Variants in BTAF1 observed in about 807,000 individuals in gnomAD.
BTAF1 encodes the protein TATA-binding protein-associated factor 172.
In BTAF1, 38 loss-of-function variants were observed where a neutral mutation model predicts 227.1. That is an observed-to-expected ratio of 0.17 (90% CI 0.13 to 0.22). The LOEUF is 0.22. Ranked by LOEUF, BTAF1 falls within the 10% of genes least tolerant of loss-of-function variation. The pLI is 1.00. For missense variants in BTAF1, 1,598 were observed against 2,204.0 expected (o/e 0.73, Z 5.51); for synonymous variants, 742 against 751.9 (o/e 0.99, Z 0.21).
intron 32 of BTAF1, among the ~76,000 whole-genome samples, chr10:92,015,444 C>T (rs1850653612): frequency 6.6e-6 from 1 of 152,228 alleles, no homozygotes; most frequent in Admixed American, 6.5e-5. Context: ...TTCATCTATT[C>T]AACTTGGGCA....
chr10:91,987,376 G>A lies in BTAF1; in HGVS notation c.2428-1778G>A, dbSNP rs971814811. Among the ~76,000 whole-genome samples the A allele has an allele frequency of 4.6e-5, 7 of 152,112 alleles. No homozygotes were observed. In the East Asian group the frequency reaches 5.8e-4, roughly 13 times the overall value. ...TGGGTGCCTGTAGTCCCAGCTACTC[G>A]GGAGGCTGAAGCAGGAGAATGGCGT... On this transcript the variant is annotated intron_variant, in intron 19 of 37. Coordinates refer to ENST00000265990, the MANE Select transcript of BTAF1 (RefSeq NM_003972.3).
At chr10:91,937,011 T>TG (rs1844658354) in intron 2 of BTAF1, among the ~76,000 whole-genome samples, 5 of 137,202 alleles carry the variant, frequency 3.6e-5, no homozygotes, top group East Asian at 2.1e-4. Context: ...GGTTTTGTTT[T>TG]CTTTTTTTTT....
rs1292263876 is a variant in BTAF1 at position 91,962,643 on chromosome 10, G to A, written c.1369G>A (p.Val457Ile). 6.2e-7 allele frequency: 1 copy of A among 1,607,412 alleles called. No homozygotes were observed. The change falls in exon 12 of 38, where the codon GTA becomes ATA. Residue 457 changes from valine (V) to isoleucine (I), a missense_variant. By Grantham distance (29) the Val-to-Ile change is conservative (BLOSUM62 3). Around this residue, in one of 10 missense-constraint regions of BTAF1, gnomAD observed 4 missense variants for 24.9 expected, o/e 0.16. Transcript: ENST00000265990. ...RAVAAASLVPVVESLVYLQTQ... is the reference protein window; with the variant it reads ...RAVAAASLVPIVESLVYLQTQ... ...TGTTGCTGCAGCATCATTAGTGCCT[G>A]TAGTAGAAAGCCTTGTCTATCTTCA... is the stretch of plus-strand genomic sequence containing the variant.
Position 92,016,463 on chromosome 10 carries a change from C to T in BTAF1, c.4708C>T (p.Gln1570Ter), listed in dbSNP as rs867546888. 6.4e-7 allele frequency: 1 copy of T among 1,557,218 alleles called. No homozygotes were observed. Among genetic ancestry groups the T allele is most frequent in the Non-Finnish European group, 8.6e-7 (1 of 1,161,110 alleles). ...GCTTAAAGCTACAGGCCACGTATTCCAGGTATAGATTACATTCTACTTTTT... is the reference window on the plus strand; with the variant it reads ...GCTTAAAGCTACAGGCCACGTATTCTAGGTATAGATTACATTCTACTTTTT... ...PKLKATGHVF[Q>*]ALQYLRKLCN... Residue 1570 changes from glutamine (Q) to a stop codon, truncating the protein, a stop_gained and splice_region_variant, in exon 33 of 38, where the codon CAG (glutamine) becomes TAG (stop). Coordinates refer to ENST00000265990, the MANE Select transcript of BTAF1 (RefSeq NM_003972.3). LOFTEE classifies it high-confidence loss of function.
At chr10:91,943,561 A>G (rs1002974620) in intron 4 of BTAF1, among the ~76,000 whole-genome samples, 1 of 152,172 alleles carries the variant, frequency 6.6e-6, no homozygotes, top group Non-Finnish European at 1.5e-5. Context: ...TCACTTTTTT[A>G]TCATAAAAAA....
chr10:91,982,551 A>G (rs1848141793), intron 17 of BTAF1, 36 bp from the exon 18 acceptor site: 1 of 1,548,952 alleles, frequency 6.5e-7, no homozygotes, highest in South Asian at 1.2e-5. Context: ...TACTTCAAGT[A>G]ATTTCTTATA....
intron 4 of BTAF1, among the ~76,000 whole-genome samples, chr10:91,946,349 A>G (rs1845364022): frequency 6.6e-6 from 1 of 152,184 alleles, no homozygotes; most frequent in South Asian, 2.1e-4. Context: ...ACAAGAGTGA[A>G]ACTCTGTCTA....
intron 25 of BTAF1, among the ~76,000 whole-genome samples, chr10:91,999,490 G>C (rs1221299250): frequency 6.6e-6 from 1 of 152,164 alleles, no homozygotes; most frequent in Non-Finnish European, 1.5e-5. Context: ...TGCCTCCCGG[G>C]TTCAAGCGAT....
intron 2 of BTAF1, among the ~76,000 whole-genome samples, chr10:91,939,190 A>G (rs1291005465): frequency 6.6e-6 from 1 of 152,026 alleles, no homozygotes. Flanking sequence ...ATTCTTAAGT[A>G]TTTTCTACAT....
intron 6 of BTAF1, among the ~76,000 whole-genome samples, chr10:91,954,501 C>G (rs1190780722): frequency 6.6e-6 from 1 of 151,222 alleles, no homozygotes; most frequent in African/African-American, 2.4e-5. Flanking sequence ...AAGGGTGGTT[C>G]AAAACTATTT....
chr10:91,953,638 A>G (rs1845910448), intron 5 of BTAF1, 99 bp from the exon 6 acceptor site: 2 of 1,308,216 alleles, frequency 1.5e-6, no homozygotes, highest in Non-Finnish European at 2.1e-6. Flanking sequence ...CGATGTATAT[A>G]TACTGAAATT....
At chr10:92,007,509 C>T (rs1271924084) in intron 25 of BTAF1, among the ~76,000 whole-genome samples, 1 of 152,102 alleles carries the variant, frequency 6.6e-6, no homozygotes, top group Non-Finnish European at 1.5e-5. Flanking sequence ...TGGTGCGAGC[C>T]ACCATGCCTC....
intron 19 of BTAF1, among the ~76,000 whole-genome samples, chr10:91,986,198 A>G (rs187643346): frequency 6.6e-6 from 1 of 152,262 alleles, no homozygotes; most frequent in East Asian, 1.9e-4. Flanking sequence ...AGCATTATTT[A>G]TTGAAAATAC....
In BTAF1 at chr10:91,930,080, GAC is replaced by G. The variant is rs1338869600; in HGVS notation, c.15-5571_15-5570del. On this transcript the variant is annotated intron_variant, in intron 1 of 37. Transcript: ENST00000265990. ...ATTATTTTAAAAATTTTTTAATTGTGACACACATAAAAATAGACTGTTCTAAC... is the reference window on the plus strand; with the variant it reads ...ATTATTTTAAAAATTTTTTAATTGTGACACATAAAAATAGACTGTTCTAAC... Among the ~76,000 whole-genome samples, 11 of 151,986 alleles carry G rather than the reference GAC, an allele frequency of 7.2e-5. No homozygotes were observed. The South Asian group carries it at 1.0e-3, about 14-fold the overall frequency.
In BTAF1 at chr10:91,942,468, A is replaced by G; in HGVS notation, c.300A>G (p.Arg100=). The change falls in exon 4 of 38, where the codon CGA becomes CGG. Residue 100 remains arginine (R), a synonymous_variant. Transcript: ENST00000265990. ...TGGAAGATTCACCTACTACAGAGCG[A>G]TTGAATTTTGACAGATTTGATATAT... is the stretch of plus-strand genomic sequence containing the variant. ...SSMEDSPTTE[R]LNFDRFDICR... is the part of the protein sequence containing the mutation. 3 of 1,613,988 alleles carry G rather than the reference A, an allele frequency of 1.9e-6. No homozygotes were observed. The highest frequency in any genetic ancestry group is 2.5e-6 in the Non-Finnish European group (3 of 1,179,862).
At chr10:91,942,298 T>TTGTGTGGG in intron 3 of BTAF1, 124 bp from the exon 4 acceptor site, 1 of 545,504 alleles carries the variant, frequency 1.8e-6, no homozygotes, top group Non-Finnish European at 3.0e-6. Context: ...AAAAAAAAGT[T>TTGTGTGGG]TGTGTGTGTG....
At chr10:91,988,353 G>A (rs1187838567) in intron 19 of BTAF1, among the ~76,000 whole-genome samples, 1 of 152,180 alleles carries the variant, frequency 6.6e-6, no homozygotes, top group Non-Finnish European at 1.5e-5. Flanking sequence ...CATGAGCATA[G>A]TGGATTTAGG....
At chr10:92,021,783 A>G (rs1851149241) in intron 34 of BTAF1, among the ~76,000 whole-genome samples, 1 of 151,994 alleles carries the variant, frequency 6.6e-6, no homozygotes, top group African/African-American at 2.4e-5. Context: ...TGACCTCATG[A>G]TCCGCCTGCC....
intron 25 of BTAF1, among the ~76,000 whole-genome samples, chr10:91,999,121 T>G (rs1849332234): frequency 6.6e-6 from 1 of 151,472 alleles, no homozygotes; most frequent in African/African-American, 2.5e-5. Flanking sequence ...TTTATAAGTC[T>G]TTGCGTGGAT....
Sources: allele counts gnomAD v4.1 joint callset (sites outside exome capture counted in the v4.1 genomes callset), GRCh38; gene constraint gnomAD v4.1.1; regional missense constraint gnomAD v4.1.1; transcripts MANE v1.5; gene names NCBI Gene and HGNC (gene_info 2026-07-23, HGNC 2026-07-21).